The following LIX1 variants were observed in gnomAD, a reference collection of about 807,000 sequenced individuals.
The protein encoded by LIX1 is limb and CNS expressed 1, also known as protein limb expression 1 homolog.
Under a neutral mutation model 33.4 loss-of-function variants are expected in LIX1, and 24 were observed. The observed-to-expected ratio is 0.72, with a 90% confidence interval of 0.52 to 1.01. The LOEUF is 1.01. LIX1 is among the 50% of genes least tolerant of loss of function. The probability of loss-of-function intolerance (pLI) is 0.00; values close to 1 mark genes in which losing one functional copy is unlikely to be tolerated. For synonymous variants in LIX1, 124 were observed against 124.0 expected, an observed-to-expected ratio of 1.00 and a Z score of 0.00; for missense variants, 311 against 339.2, an observed-to-expected ratio of 0.92 and a Z score of 0.65.
intron 1 of LIX1, among the ~76,000 whole-genome samples, chr5:97,138,772 T>C (rs997874447): frequency 6.6e-6 from 1 of 152,150 alleles, no homozygotes; most frequent in African/African-American, 2.4e-5. Flanking sequence ...CCCTCTGTTT[T>C]CCTAACAGAT....
At chr5:97,131,519 T>C (rs991885555) in intron 1 of LIX1, among the ~76,000 whole-genome samples, 4 of 149,180 alleles carry the variant, frequency 2.7e-5, no homozygotes, top group African/African-American at 1.0e-4. Context: ...GACTTGGCTG[T>C]ACTTCCTTCT....
intron 1 of LIX1, among the ~76,000 whole-genome samples, chr5:97,131,838 G>T (rs1237266045): frequency 6.6e-6 from 1 of 152,242 alleles, no homozygotes; most frequent in East Asian, 1.9e-4. Flanking sequence ...AGGTTTCACG[G>T]ATAGACCACC....
chr5:97,094,756 A>T lies in LIX1; in HGVS notation c.841T>A (p.Tyr281Asn), dbSNP rs776575592. The T allele has an allele frequency of 4.3e-6, 7 of 1,613,220 alleles. No homozygotes were observed. In the East Asian group the frequency reaches 1.6e-4, roughly 36 times the overall value. Residue 281 changes from tyrosine (Y) to asparagine (N), a missense_variant, in exon 6 of 6, where the codon TAT becomes AAT. By Grantham distance (143) the Tyr-to-Asn change is moderately radical (BLOSUM62 -2). Coordinates refer to ENST00000274382, the MANE Select transcript of LIX1 (RefSeq NM_153234.5). ...DQLSLTALCG[Y>N]H ...CCCGGGGCTTGGCCTTGCTAGTGATAGCCACACAGGGCCGTAAGGCTCAGC... is the reference window on the plus strand; with the variant it reads ...CCCGGGGCTTGGCCTTGCTAGTGATTGCCACACAGGGCCGTAAGGCTCAGC...
chr5:97,128,153 A>G lies in LIX1; in HGVS notation c.83-3524T>C, dbSNP rs376583848. ...CTAGAAAGAATATTCCACATTGACT[A>G]TCTCTGCTTCCTTATGTTCCATTTA... On this transcript the variant is annotated intron_variant, in intron 1 of 5. Coordinates refer to ENST00000274382, the MANE Select transcript of LIX1 (RefSeq NM_153234.5). Among the ~76,000 whole-genome samples the G allele has an allele frequency of 3.3e-5, 5 of 152,298 alleles. No homozygotes were observed. In the South Asian group the frequency reaches 8.3e-4, roughly 25 times the overall value.
chr5:97,120,950 T>C (rs1432651408), intron 2 of LIX1, among the ~76,000 whole-genome samples: 2 of 152,224 alleles, frequency 1.3e-5, no homozygotes, highest in African/African-American at 4.8e-5. Flanking sequence ...TATAGTATTC[T>C]TATATTACAC....
intron 1 of LIX1, among the ~76,000 whole-genome samples, chr5:97,141,117 C>T (rs777542415): frequency 6.9e-6 from 1 of 143,962 alleles, no homozygotes; most frequent in Non-Finnish European, 1.5e-5. Context: ...CAGTGAAAAA[C>T]GTCCCCCCTA....
At chr5:97,118,801 G>T (rs1157802391) in intron 2 of LIX1, among the ~76,000 whole-genome samples, 1 of 151,950 alleles carries the variant, frequency 6.6e-6, no homozygotes, top group Non-Finnish European at 1.5e-5. Flanking sequence ...ATGAAGGCCT[G>T]GTCTAAAGGC....
At position 97,100,343 on chromosome 5, in the gene LIX1, T is replaced by G. The variant is rs138252872; in HGVS notation, c.484-3456A>C. On this transcript the variant is annotated intron_variant, in intron 4 of 5. Coordinates refer to ENST00000274382, the MANE Select transcript of LIX1 (RefSeq NM_153234.5). ...AATTTCTATCCCATCACGAAGCAGCTTTTTTTTTCTCTCCAGTAACACAAC... is the reference window on the plus strand; with the variant it reads ...AATTTCTATCCCATCACGAAGCAGCGTTTTTTTTCTCTCCAGTAACACAAC... 1.6e-4 allele frequency among the ~76,000 whole-genome samples: 24 copies of G among 151,448 alleles called. No homozygotes were observed. The East Asian group carries it at 3.9e-3, about 24-fold the overall frequency.
intron 2 of LIX1, among the ~76,000 whole-genome samples, chr5:97,120,424 A>G (rs919389940): frequency 2.6e-5 from 4 of 152,248 alleles, no homozygotes; most frequent in African/African-American, 9.6e-5. Context: ...GTAAAGGGAA[A>G]GAACATGCAC....
intron 1 of LIX1, among the ~76,000 whole-genome samples, chr5:97,129,393 C>T (rs189063132): frequency 2.4e-4 from 36 of 152,012 alleles, no homozygotes; most frequent in African/African-American, 6.8e-4. Context: ...TGCTTCTTAA[C>T]AAGATTTAAA....
At chr5:97,097,028 G>A (rs1746415902) in intron 4 of LIX1, 141 bp from the exon 5 acceptor site, 2 of 676,216 alleles carry the variant, frequency 3.0e-6, no homozygotes, top group African/African-American at 3.6e-5. Context: ...ACTTTCCCAA[G>A]CCCAGGGTCC....
At position 97,114,325 on chromosome 5, in the gene LIX1, C is replaced by A. The variant is rs115081686; in HGVS notation, c.247-6825G>T. 3.4e-3 allele frequency among the ~76,000 whole-genome samples: 512 copies of A among 152,254 alleles called. 4 individuals are homozygous for A. Among genetic ancestry groups the A allele is most frequent in the African/African-American group, 0.012 (503 of 41,540 alleles). On this transcript the variant is annotated intron_variant, in intron 2 of 5. Coordinates refer to ENST00000274382, the MANE Select transcript of LIX1 (RefSeq NM_153234.5). The stretch of plus-strand genomic sequence containing the variant: ...ACCAACCTGGACAATGTAGCAAGAC[C>A]TGGTCTGTACTAAAATTCAAAAACT...
intron 2 of LIX1, among the ~76,000 whole-genome samples, chr5:97,115,906 AGG>A (rs986792014): frequency 6.6e-5 from 10 of 152,318 alleles, no homozygotes; most frequent in African/African-American, 2.4e-4. Context: ...ATGGTACCCA[AGG>A]GGTTTTCCAA....
chr5:97,141,858 T>C (rs970869272), intron 1 of LIX1, among the ~76,000 whole-genome samples: 1 of 152,254 alleles, frequency 6.6e-6, no homozygotes, highest in Non-Finnish European at 1.5e-5. Context: ...GATTGAATTA[T>C]TTTTAAATCA....
chr5:97,124,243 C>A (rs1747854712), intron 2 of LIX1, among the ~76,000 whole-genome samples: 1 of 152,068 alleles, frequency 6.6e-6, no homozygotes, highest in Non-Finnish European at 1.5e-5. Context: ...AATAAAACAT[C>A]TTTGCCAGTT....
intron 2 of LIX1, among the ~76,000 whole-genome samples, chr5:97,112,995 C>T (rs539239864): frequency 3.9e-5 from 6 of 152,260 alleles, no homozygotes; most frequent in African/African-American, 1.4e-4. Flanking sequence ...CAAATCCCTT[C>T]CCATATTAGG....
At chr5:97,142,225 G>A (rs1049509005) in intron 1 of LIX1, among the ~76,000 whole-genome samples, 11 of 152,142 alleles carry the variant, frequency 7.2e-5, no homozygotes, top group Admixed American at 7.2e-4. Context: ...ATCAGAAAAA[G>A]TTCATTAAGT....
At chr5:97,110,170 T>C (rs1747303206) in intron 2 of LIX1, among the ~76,000 whole-genome samples, 1 of 152,214 alleles carries the variant, frequency 6.6e-6, no homozygotes, top group Non-Finnish European at 1.5e-5. Flanking sequence ...ACTGTTTTTG[T>C]ATATTACTTG....
intron 1 of LIX1, among the ~76,000 whole-genome samples, chr5:97,139,535 T>C (rs1049792194): frequency 2.0e-5 from 3 of 152,230 alleles, no homozygotes; most frequent in African/African-American, 7.2e-5. Flanking sequence ...CAGCTTTGGT[T>C]GTGATGCATG....
Sources: gnomAD v4.1 joint callset for allele counts (sites outside exome capture counted in the v4.1 genomes callset) on GRCh38, gnomAD v4.1.1 for gene constraint, MANE v1.5 for transcripts, NCBI Gene and HGNC (gene_info 2026-07-23, HGNC 2026-07-21) for gene names.